Variants in DST observed in about 807,000 individuals in gnomAD.
DST encodes bullous pemphigoid antigen.
DST carries 253 observed loss-of-function variants against 875.2 expected under a neutral mutation model. The ratio of observed to expected loss-of-function variants is 0.29; its 90% CI spans 0.26 to 0.32. The LOEUF is 0.32. Ranked by LOEUF, DST falls within the 10% of genes least tolerant of loss-of-function variation. The probability of loss-of-function intolerance (pLI) is 1.00; values close to 1 mark genes in which losing one functional copy is unlikely to be tolerated. For synonymous variants in DST, 3,124 were observed against 3,197.1 expected (o/e 0.98, Z 0.77); for missense variants, 8,287 against 9,111.6 (o/e 0.91, Z 3.68).
In DST at chr6:56,560,358, C is replaced by T; in HGVS notation, c.14376G>A (p.Glu4792=). Residue 4792 remains glutamate (E), a synonymous_variant, in exon 58 of 104, where the codon GAG becomes GAA. Coordinates refer to ENST00000680361, the MANE Select transcript of DST (RefSeq NM_001374736.1). ...KVQELKDKLT[E]LLEENPDTPE... is the part of the protein sequence containing the mutation. ...GAGTATCTGGGTTCTCCTCCAACAG[C>T]TCTGTCAATTTGTCTTTCAACTCCT... 2.5e-6 allele frequency: 4 copies of T among 1,609,346 alleles called. No homozygotes were observed. Among genetic ancestry groups the T allele is most frequent in the Non-Finnish European group, 3.4e-6 (4 of 1,177,456 alleles).
At chr6:56,602,150 G>T in intron 43 of DST, 2 of 186,218 alleles carry the variant, frequency 1.1e-5, no homozygotes, top group South Asian at 9.0e-5. Flanking sequence ...CCTAATCATT[G>T]TTCATGAGGA....
chr6:56,613,438 A>G lies in DST; in HGVS notation c.5058+918T>C, dbSNP rs549195025. On this transcript the variant is annotated intron_variant, in intron 37 of 103. Coordinates refer to ENST00000680361, the MANE Select transcript of DST (RefSeq NM_001374736.1). ...AGACAAGGCACTGGTGTTCTCCCCT[A>G]TTTAGTCATGTCAACAATGTCTATT... 2.0e-5 allele frequency among the ~76,000 whole-genome samples: 3 copies of G among 152,286 alleles called. No homozygotes were observed. In the South Asian group the frequency reaches 6.2e-4, roughly 32 times the overall value.
intron 19 of DST, 69 bp from the exon 20 acceptor site, chr6:56,639,842 T>C: frequency 5.7e-6 from 9 of 1,581,628 alleles, no homozygotes; most frequent in Non-Finnish European, 6.9e-6. Flanking sequence ...ACTTAATGTA[T>C]CTATTATTGA....
chr6:56,649,006 A>G (rs1365812879), intron 12 of DST, among the ~76,000 whole-genome samples: 1 of 152,188 alleles, frequency 6.6e-6, no homozygotes, highest in East Asian at 1.9e-4. Context: ...TCCAAAGTCA[A>G]TTTGGGGTGT....
chr6:56,466,044 T>G, intron 99 of DST, 34 bp downstream of exon 99: 6 of 1,513,796 alleles, frequency 4.0e-6, no homozygotes, highest in Non-Finnish European at 5.4e-6. Context: ...ATTGAAATAC[T>G]TTCATGATGT....
At chr6:56,514,837 T>A (rs897288463) in intron 72 of DST, among the ~76,000 whole-genome samples, 6 of 152,218 alleles carry the variant, frequency 3.9e-5, no homozygotes, top group African/African-American at 1.4e-4. Context: ...ATTTCATACA[T>A]GTTTAAAATG....
chr6:56,782,149 ATCAATGT>A (rs1430067129), intron 4 of DST, among the ~76,000 whole-genome samples: 5 of 152,284 alleles, frequency 3.3e-5, no homozygotes, highest in Non-Finnish European at 7.3e-5. Context: ...GGATTTTTGC[ATCAATGT>A]TCATCAAGGA....
intron 4 of DST, among the ~76,000 whole-genome samples, chr6:56,813,695 C>A (rs563574441): frequency 6.6e-6 from 1 of 152,152 alleles, no homozygotes; most frequent in Non-Finnish European, 1.5e-5. Context: ...AAAAACAGTT[C>A]TTAATGGATA....
intron 4 of DST, among the ~76,000 whole-genome samples, chr6:56,771,805 T>C (rs948194019): frequency 2.6e-5 from 4 of 152,206 alleles, no homozygotes; most frequent in African/African-American, 9.7e-5. Context: ...TAAATGCACA[T>C]ATACATGTAT....
chr6:56,492,855 A>G (rs1583031523), intron 84 of DST, 79 bp downstream of exon 84: 10 of 1,156,324 alleles, frequency 8.6e-6, no homozygotes, highest in Middle Eastern at 2.6e-4. Context: ...ACGACAGAGG[A>G]GTGAGACTCA....
At chr6:56,893,588 ATTT>A (rs1788963958) in intron 3 of DST, among the ~76,000 whole-genome samples, 2 of 65,140 alleles carry the variant, frequency 3.1e-5, no homozygotes, top group African/African-American at 9.0e-5. Context: ...TTTTTTTTTT[ATTT>A]TTTTTTATTT....
chr6:56,912,183 A>G (rs543196620), intron 2 of DST, among the ~76,000 whole-genome samples: 1 of 152,264 alleles, frequency 6.6e-6, no homozygotes, highest in African/African-American at 2.4e-5. Context: ...TGCTCATTCC[A>G]TCATTAGAAC....
At chr6:56,570,285 G>A (rs2097759903) in intron 53 of DST, among the ~76,000 whole-genome samples, 1 of 152,074 alleles carries the variant, frequency 6.6e-6, no homozygotes. Context: ...CATTTATTGT[G>A]TGCTTTATTT....
chr6:56,550,098 T>C (rs2097295963), intron 61 of DST, among the ~76,000 whole-genome samples: 1 of 152,154 alleles, frequency 6.6e-6, no homozygotes, highest in South Asian at 2.1e-4. Context: ...ATTATTGTAA[T>C]TACTATTTTT....
At chr6:56,522,353 G>A (rs1478952662) in intron 69 of DST, among the ~76,000 whole-genome samples, 1 of 152,126 alleles carries the variant, frequency 6.6e-6, no homozygotes, top group Non-Finnish European at 1.5e-5. Context: ...CTTCTAGACT[G>A]CCAAATATCA....
In DST at chr6:56,588,944, T is replaced by C. The variant is rs192097393; in HGVS notation, c.12903+3238A>G. 5.0e-3 allele frequency among the ~76,000 whole-genome samples: 763 copies of C among 152,242 alleles called. 7 individuals carry two copies. The highest frequency in any genetic ancestry group is 0.018 in the African/African-American group (736 of 41,540). On this transcript the variant is annotated intron_variant, in intron 49 of 103. Transcript: ENST00000680361. ...TACGGGAAGTGTAAAAAAAAATCCC[T>C]CAAGACATGAACTTTTTACCTGTGA...
At chr6:56,929,146 T>C (rs1250348531) in intron 2 of DST, among the ~76,000 whole-genome samples, 1 of 152,102 alleles carries the variant, frequency 6.6e-6, no homozygotes, top group Non-Finnish European at 1.5e-5. Flanking sequence ...AATAAACCAT[T>C]GTAAATGGCC....
chr6:56,504,358 T>TA (rs1243719102), intron 77 of DST, among the ~76,000 whole-genome samples: 3 of 152,100 alleles, frequency 2.0e-5, no homozygotes, highest in Admixed American at 1.3e-4. Flanking sequence ...TATGAACTTC[T>TA]AAAAAAATCA....
rs2098519052 is a variant in DST at position 56,608,720 on chromosome 6, A to T, written c.5908T>A (p.Leu1970Ile). Residue 1970 changes from leucine to isoleucine, a missense_variant, in exon 40 of 104, where the codon TTA (leucine) becomes ATA (isoleucine). This residue lies in a region of DST where 3,138 missense variants were observed against 3,116.6 expected (regional missense o/e 1.01). Coordinates refer to ENST00000680361, the MANE Select transcript of DST (RefSeq NM_001374736.1). ...ATGAGACCTTCATGAGCTGCTCTTA[A>T]AATGCTTATGTTTCTTCCACATTTT... ...TLKCGRNISILRAAHEGLIDR... is the reference protein window; with the variant it reads ...TLKCGRNISIIRAAHEGLIDR... The T allele has an allele frequency of 6.2e-7, 1 of 1,611,534 alleles. No homozygotes were observed. The highest frequency in any genetic ancestry group is 8.5e-7 in the Non-Finnish European group (1 of 1,178,754).
Sources: allele counts gnomAD v4.1 joint callset (sites outside exome capture counted in the v4.1 genomes callset), GRCh38; gene constraint gnomAD v4.1.1; regional missense constraint gnomAD v4.1.1; transcripts MANE v1.5; gene names NCBI Gene and HGNC (gene_info 2026-07-23, HGNC 2026-07-21).